Variants in BMPR1A observed in about 807,000 individuals in gnomAD.
BMPR1A encodes the protein bone morphogenetic protein receptor type 1A, also known as bone morphogenetic protein receptor type-1A.
Under a neutral mutation model 66.0 loss-of-function variants are expected in BMPR1A, and 7 were observed. The observed-to-expected ratio is 0.11, with a 90% CI of 0.06 to 0.20. The LOEUF (loss-of-function observed/expected upper bound fraction) is 0.20, where lower values mean the gene tolerates loss of function less well. Among genes scored for constraint, BMPR1A ranks in the 10% least tolerant of loss-of-function variants. The probability of loss-of-function intolerance (pLI) is 1.00; values close to 1 mark genes in which losing one functional copy is unlikely to be tolerated. For missense variants in BMPR1A, 408 were observed against 669.1 expected (o/e 0.61, Z 4.31); for synonymous variants, 200 against 229.7 (o/e 0.87, Z 1.17).
chr10:86,799,390 C>T (rs1204833743), intron 1 of BMPR1A, among the ~76,000 whole-genome samples: 1 of 150,702 alleles, frequency 6.6e-6, no homozygotes, highest in East Asian at 1.9e-4. Flanking sequence ...GTGCTGGGCA[C>T]ACTGCAGGTG....
chr10:86,859,742 G>A (rs1004816428), intron 2 of BMPR1A, among the ~76,000 whole-genome samples: 9 of 151,964 alleles, frequency 5.9e-5, no homozygotes, highest in Non-Finnish European at 1.2e-4. Flanking sequence ...CCTGGGAGGC[G>A]GAGGTTGCAG....
chr10:86,909,227 T>C (rs1215037124), intron 7 of BMPR1A, among the ~76,000 whole-genome samples: 1 of 152,194 alleles, frequency 6.6e-6, no homozygotes, highest in Non-Finnish European at 1.5e-5. Context: ...AATTGTCATA[T>C]TCCCCAGTGT....
intron 1 of BMPR1A, among the ~76,000 whole-genome samples, chr10:86,776,689 T>C (rs1841352990): frequency 6.6e-6 from 1 of 152,220 alleles, no homozygotes; most frequent in African/African-American, 2.4e-5. Context: ...TTCAATCTCA[T>C]GATACATCTT....
At chr10:86,826,986 C>T (rs1282527096) in intron 1 of BMPR1A, among the ~76,000 whole-genome samples, 1 of 134,254 alleles carries the variant, frequency 7.4e-6, no homozygotes, top group Non-Finnish European at 1.7e-5. Context: ...AAGGATCTAT[C>T]TACTTATCTT....
intron 1 of BMPR1A, among the ~76,000 whole-genome samples, chr10:86,837,247 C>CTGTGTGTGTGTGTGTGTGTCTGTG (rs1842364297): frequency 7.2e-6 from 1 of 138,106 alleles, no homozygotes; most frequent in African/African-American, 2.7e-5. Flanking sequence ...GTGTGTGTGT[C>CTGTGTGTGTGTGTGTGTGTCTGTG]TGTGTGTGTG....
At chr10:86,810,058 C>T (rs1841948026) in intron 1 of BMPR1A, among the ~76,000 whole-genome samples, 1 of 152,104 alleles carries the variant, frequency 6.6e-6, no homozygotes, top group East Asian at 1.9e-4. Context: ...GCAACCTCCG[C>T]CTCCCGGGTT....
intron 1 of BMPR1A, among the ~76,000 whole-genome samples, chr10:86,814,179 A>AT (rs895309465): frequency 6.6e-6 from 1 of 151,852 alleles, no homozygotes; most frequent in African/African-American, 2.4e-5. Context: ...GTAGTTTCTA[A>AT]TTTTTTTCTG....
At chr10:86,902,104 C>T (rs1843319181) in intron 7 of BMPR1A, among the ~76,000 whole-genome samples, 2 of 152,164 alleles carry the variant, frequency 1.3e-5, no homozygotes, top group Admixed American at 1.3e-4. Flanking sequence ...AAGTGATCCA[C>T]CCACCTCGCC....
chr10:86,801,089 C>A (rs1841805409), intron 1 of BMPR1A, among the ~76,000 whole-genome samples: 1 of 152,180 alleles, frequency 6.6e-6, no homozygotes, highest in South Asian at 2.1e-4. Flanking sequence ...TACTAAAATG[C>A]TGAATTCTAG....
At chr10:86,905,781 AATGAT>A (rs942462221) in intron 7 of BMPR1A, among the ~76,000 whole-genome samples, 2 of 151,910 alleles carry the variant, frequency 1.3e-5, no homozygotes, top group Non-Finnish European at 2.9e-5. Flanking sequence ...GTAAGAATTG[AATGAT>A]TTTTTTAAGT....
chr10:86,814,809 G>A (rs544073260), intron 1 of BMPR1A, among the ~76,000 whole-genome samples: 4 of 151,732 alleles, frequency 2.6e-5, no homozygotes, highest in South Asian at 4.2e-4. Flanking sequence ...TTTTTGAGAC[G>A]GAGTCTTACT....
chr10:86,786,257 A>G (rs949069745), intron 1 of BMPR1A, among the ~76,000 whole-genome samples: 8 of 152,104 alleles, frequency 5.3e-5, no homozygotes, highest in African/African-American at 1.9e-4. Context: ...CTTAAAACAC[A>G]ACAAAACTTC....
At chr10:86,830,460 G>A (rs2133063656) in intron 1 of BMPR1A, among the ~76,000 whole-genome samples, 1 of 152,294 alleles carries the variant, frequency 6.6e-6, no homozygotes, top group South Asian at 2.1e-4. Context: ...CACTGGCAGT[G>A]TATGAGAGAT....
chr10:86,785,465 C>G (rs2132734051), intron 1 of BMPR1A, among the ~76,000 whole-genome samples: 1 of 152,284 alleles, frequency 6.6e-6, no homozygotes, highest in Admixed American at 6.5e-5. Context: ...GCCACCACAT[C>G]TAGCTAATTT....
intron 5 of BMPR1A, among the ~76,000 whole-genome samples, chr10:86,898,360 T>G (rs933518854): frequency 1.3e-5 from 2 of 152,136 alleles, no homozygotes; most frequent in Admixed American, 6.5e-5. Flanking sequence ...CTTTCTAAAG[T>G]CTTTAAATTA....
In BMPR1A at chr10:86,921,573, A is replaced by G. The variant is rs1554891322; in HGVS notation, c.1220A>G (p.Tyr407Cys). Reference protein sequence around the residue: ...PLNTRVGTKRYMAPEVLDESL... With the variant: ...PLNTRVGTKRCMAPEVLDESL... ...AATACCAGGGTGGGCACCAAACGCT[A>G]CATGGCTCCCGAAGTGCTGGACGAA... The change falls in exon 11 of 13, where the codon TAC becomes TGC. Residue 407 changes from tyrosine (Y) to cysteine (C), a missense_variant. By Grantham distance (194) the Tyr-to-Cys change is radical. Around this residue, in one of 5 missense-constraint regions of BMPR1A, gnomAD observed 130 missense variants for 257.3 expected, o/e 0.51. Transcript: ENST00000372037. 6.2e-7 allele frequency: 1 copy of G among 1,614,184 alleles called. No individual in the cohort carries two copies. The highest frequency in any genetic ancestry group is 1.1e-5 in the South Asian group (1 of 91,080).
chr10:86,851,482 T>C (rs966655084), intron 2 of BMPR1A, among the ~76,000 whole-genome samples: 2 of 152,224 alleles, frequency 1.3e-5, no homozygotes, highest in African/African-American at 4.8e-5. Flanking sequence ...GGATAGTCAC[T>C]ACATGGCACA....
intron 1 of BMPR1A, among the ~76,000 whole-genome samples, chr10:86,788,143 A>G (rs1160822452): frequency 6.6e-6 from 1 of 152,192 alleles, no homozygotes; most frequent in Non-Finnish European, 1.5e-5. Flanking sequence ...GTTTGTTTCA[A>G]GGGAATTAGG....
In BMPR1A at chr10:86,899,820, G is replaced by T. The variant is rs1554888968; in HGVS notation, c.360G>T (p.Arg120=). 5.0e-6 allele frequency: 8 copies of T among 1,614,088 alleles called. No individual in the cohort carries two copies. The highest frequency in any genetic ancestry group is 6.8e-6 in the Non-Finnish European group (8 of 1,180,010). ...ATTCTCCAAAAGCCCAGCTACGCCG[G>T]ACAATAGAATGTTGTCGGACCAATT... ...CKDSPKAQLR[R]TIECCRTNLC... is the part of the protein sequence containing the mutation. The change falls in exon 6 of 13, where the codon CGG becomes CGT. Residue 120 remains arginine (R), a synonymous_variant. Coordinates refer to ENST00000372037, the MANE Select transcript of BMPR1A (RefSeq NM_004329.3).
Sources: gnomAD v4.1 joint callset for allele counts (sites outside exome capture counted in the v4.1 genomes callset) on GRCh38, gnomAD v4.1.1 for gene constraint, gnomAD v4.1.1 regional missense constraint, MANE v1.5 for transcripts, NCBI Gene and HGNC (gene_info 2026-07-23, HGNC 2026-07-21) for gene names.